RANBP2: variants seen among roughly 807,000 people sequenced by gnomAD.
The protein encoded by RANBP2 is E3 SUMO-protein ligase RanBP2.
In RANBP2, 57 loss-of-function variants were observed where a neutral mutation model predicts 303.6. The ratio of observed to expected loss-of-function variants is 0.19; its 90% confidence interval spans 0.15 to 0.23. RANBP2 has a LOEUF of 0.23. RANBP2 is among the 10% of genes least tolerant of loss of function. The pLI, the probability that RANBP2 is intolerant of heterozygous loss-of-function variation, is 1.00. For missense variants in RANBP2, 3,138 were observed against 3,780.8 expected (o/e 0.83, Z 4.46); for synonymous variants, 1,167 against 1,301.5 (o/e 0.90, Z 2.23).
chr2:109,406,457 G>C, the RANBP2 span, among the ~76,000 whole-genome samples: 1 of 152,084 alleles, frequency 6.6e-6, no homozygotes, highest in Admixed American at 6.5e-5. Context: ...GTTCTCGGAG[G>C]CACCAAGCTG....
At chr2:109,354,406 G>A in the RANBP2 span, among the ~76,000 whole-genome samples, 17 of 152,366 alleles carry the variant, frequency 1.1e-4, no homozygotes, top group Admixed American at 6.5e-4. Flanking sequence ...GTGGCGCAGC[G>A]TTCATGTGGC....
chr2:109,076,193 A>T, the RANBP2 span, among the ~76,000 whole-genome samples: 1 of 150,748 alleles, frequency 6.6e-6, no homozygotes, highest in East Asian at 1.9e-4. Flanking sequence ...TTAAAAAAAA[A>T]TGACCATCTC....
the RANBP2 span, chr2:108,929,429 C>T: frequency 2.5e-6 from 4 of 1,589,088 alleles, no homozygotes; most frequent in South Asian, 4.4e-5. Context: ...GCAGCCAAAC[C>T]ATACGGACTC....
At chr2:108,860,195 G>A in the RANBP2 span, among the ~76,000 whole-genome samples, 2 of 151,724 alleles carry the variant, frequency 1.3e-5, no homozygotes, top group African/African-American at 2.4e-5. Context: ...CGTTGAATTT[G>A]TATCTTCAGA....
At chr2:109,288,606 A>G in the RANBP2 span, among the ~76,000 whole-genome samples, 4 of 152,200 alleles carry the variant, frequency 2.6e-5, no homozygotes, top group Admixed American at 2.6e-4. Context: ...CTGACAGCAC[A>G]CTGGGATTTT....
At chr2:109,456,898 C>T in the RANBP2 span, among the ~76,000 whole-genome samples, 2 of 152,200 alleles carry the variant, frequency 1.3e-5, no homozygotes, top group Admixed American at 1.3e-4. Flanking sequence ...TGCCGCTGAG[C>T]CTTCAGAAAG....
At chr2:109,724,944 G>GCCTCT in the RANBP2 span, among the ~76,000 whole-genome samples, 1 of 152,160 alleles carries the variant, frequency 6.6e-6, no homozygotes, top group Admixed American at 6.5e-5. Flanking sequence ...GCAGTGTTAG[G>GCCTCT]CCTCCCCTTG....
the RANBP2 span, chr2:109,501,579 C>A: frequency 1.3e-6 from 1 of 779,690 alleles, no homozygotes; most frequent in Non-Finnish European, 2.4e-6. Context: ...CGTCTTTGTG[C>A]ACAAGAAGCG....
At chr2:109,154,271 G>A in the RANBP2 span, among the ~76,000 whole-genome samples, 1 of 152,172 alleles carries the variant, frequency 6.6e-6, no homozygotes, top group Non-Finnish European at 1.5e-5. Flanking sequence ...GATGGAAGCT[G>A]GGAAATGGAG....
At chr2:109,412,686 G>A in the RANBP2 span, among the ~76,000 whole-genome samples, 1 of 152,238 alleles carries the variant, frequency 6.6e-6, no homozygotes, top group Non-Finnish European at 1.5e-5. Flanking sequence ...GACCTCAAGT[G>A]TTAACTCTGT....
At chr2:108,859,309 G>A in the RANBP2 span, among the ~76,000 whole-genome samples, 1 of 152,098 alleles carries the variant, frequency 6.6e-6, no homozygotes, top group African/African-American at 2.4e-5. Flanking sequence ...TCCTTTGTTG[G>A]ATGCAGAATT....
At chr2:109,026,448 C>CA in the RANBP2 span, among the ~76,000 whole-genome samples, 1 of 151,966 alleles carries the variant, frequency 6.6e-6, no homozygotes, top group Non-Finnish European at 1.5e-5. Flanking sequence ...TTTTAATGGC[C>CA]ACCGTTTTTG....
At chr2:109,582,110 A>ACACACT in the RANBP2 span, among the ~76,000 whole-genome samples, 488 of 134,960 alleles carry the variant, frequency 3.6e-3, 2 homozygotes, top group Non-Finnish European at 5.6e-3. Context: ...ACACACACAC[A>ACACACT]CACTCACTCT....
the RANBP2 span, among the ~76,000 whole-genome samples, chr2:109,241,104 G>A: frequency 1.3e-5 from 2 of 152,216 alleles, no homozygotes; most frequent in African/African-American, 2.4e-5. Context: ...AGAATGAGAA[G>A]CTTCATTGTC....
chr2:109,658,595 A>G, the RANBP2 span, among the ~76,000 whole-genome samples: 4 of 152,172 alleles, frequency 2.6e-5, no homozygotes, highest in African/African-American at 9.7e-5. Context: ...GGCAAATGAC[A>G]TCAGTGATAT....
chr2:109,129,450 T>A, the RANBP2 span: 28 of 1,491,912 alleles, frequency 1.9e-5, 1 homozygote, highest in South Asian at 3.5e-4. Flanking sequence ...GGAGCCCGGC[T>A]CCCCAGTCCT....
chr2:109,421,356 A>G, the RANBP2 span, among the ~76,000 whole-genome samples: 4 of 152,326 alleles, frequency 2.6e-5, no homozygotes, highest in East Asian at 1.9e-4. Flanking sequence ...CACTTGTTCT[A>G]TGAGAGCAAA....
intron 18 of RANBP2, among the ~76,000 whole-genome samples, chr2:108,760,145 T>A (rs568927207): frequency 1.3e-5 from 2 of 152,216 alleles, no homozygotes; most frequent in South Asian, 2.1e-4. Flanking sequence ...ATAAGATGAT[T>A]AAAATTAAAG....
chr2:109,294,492 TGGA>T, the RANBP2 span, among the ~76,000 whole-genome samples: 2 of 145,832 alleles, frequency 1.4e-5, no homozygotes, highest in Middle Eastern at 3.6e-3. Flanking sequence ...ACCCAGGAGG[TGGA>T]GGTTGCAGTG....
Sources: allele counts gnomAD v4.1 joint callset (sites outside exome capture counted in the v4.1 genomes callset), GRCh38; gene constraint gnomAD v4.1.1; transcripts MANE v1.5; gene names NCBI Gene and HGNC (gene_info 2026-07-23, HGNC 2026-07-21).